Variants in PLAGL1 observed in about 807,000 individuals in gnomAD.
PLAGL1 encodes zinc finger protein PLAGL1.
In PLAGL1, 1 loss-of-function variant was observed where a neutral mutation model predicts 4.6. That is an observed-to-expected ratio of 0.22 (90% CI 0.08 to 1.03). The LOEUF (loss-of-function observed/expected upper bound fraction) is 1.03, where lower values mean the gene tolerates loss of function less well. Ranked by LOEUF, PLAGL1 falls within the 50% of genes least tolerant of loss-of-function variation. The pLI is 0.58. For synonymous variants in PLAGL1, 240 were observed against 237.8 expected, an observed-to-expected ratio of 1.01 and a Z score of -0.08; for missense variants, 464 against 570.4, an observed-to-expected ratio of 0.81 and a Z score of 1.90.
At chr6:143,987,779 G>C (rs1789549825) in intron 1 of PLAGL1, among the ~76,000 whole-genome samples, 2 of 151,882 alleles carry the variant, frequency 1.3e-5, no homozygotes, top group South Asian at 2.1e-4. Flanking sequence ...ACTGTGTCCT[G>C]GTCTTCTTAA....
chr6:144,024,957 C>T (rs2128701975), intron 1 of PLAGL1, among the ~76,000 whole-genome samples: 2 of 152,186 alleles, frequency 1.3e-5, no homozygotes, highest in African/African-American at 2.4e-5. Context: ...TTTATGTAGA[C>T]ACTCCACTCT....
At chr6:144,037,459 G>T (rs1230362786) in intron 1 of PLAGL1, among the ~76,000 whole-genome samples, 1 of 149,668 alleles carries the variant, frequency 6.7e-6, no homozygotes, top group Non-Finnish European at 1.5e-5. Flanking sequence ...GTGACAGTGT[G>T]CACCTGTAGT....
At position 143,973,096 on chromosome 6, in the gene PLAGL1, T is replaced by C. The variant is rs1295074267; in HGVS notation, c.-543-4118A>G. ...TCACAAGAAGGTCCATTCCACCCCA[T>C]GTGCTCCTTTTCAGCTGTCAATAAA... On this transcript the variant is annotated intron_variant, in intron 2 of 7. Transcript: ENST00000674357. The surrounding 1 kb of genome is among the most constrained non-coding windows in gnomAD (Gnocchi z 6.2). Among the ~76,000 whole-genome samples, 2 of 152,206 alleles carry C rather than the reference T, an allele frequency of 1.3e-5. No individual in the cohort carries two copies. Among genetic ancestry groups the C allele is most frequent in the African/African-American group, 4.8e-5 (2 of 41,452 alleles).
In PLAGL1 at chr6:144,035,403, C is replaced by T. The variant is rs116758946; in HGVS notation, c.-151+29065G>A. 1.6e-3 allele frequency among the ~76,000 whole-genome samples: 244 copies of T among 152,294 alleles called. 1 individual carries two copies. The highest frequency in any genetic ancestry group is 5.6e-3 in the African/African-American group (234 of 41,548). ...GTACTTGGAGTCTAATGTTCAAGGG[C>T]AGCAAGCATCTAGCACGGGAGAAAG... On this transcript the variant is annotated intron_variant, in intron 1 of 3. Coordinates refer to the PLAGL1 transcript ENST00000437412.
rs1158481996 is a variant in PLAGL1 at position 144,022,793 on chromosome 6, T to A, written c.-151+41675A>T. 6.6e-6 allele frequency among the ~76,000 whole-genome samples: 1 copy of A among 152,220 alleles called. No homozygotes were observed. Among genetic ancestry groups the A allele is most frequent in the Admixed American group, 6.5e-5 (1 of 15,282 alleles). On this transcript the variant is annotated intron_variant, in intron 1 of 3. Coordinates refer to the PLAGL1 transcript ENST00000437412. This position sits in a 1 kb window ranked among gnomAD's most constrained non-coding sequence, Gnocchi z 4.2. ...GTGAGTCAATTAAACCTCTTTCCTT[T>A]ATAAATTATGCAGTCTCAGGTATGT...
rs1385629410 is a variant in PLAGL1 at position 143,989,904 on chromosome 6, C to T, written c.-583-4730G>A. 1.3e-5 allele frequency among the ~76,000 whole-genome samples: 2 copies of T among 152,166 alleles called. No individual in the cohort carries two copies. The highest frequency in any genetic ancestry group is 4.8e-5 in the African/African-American group (2 of 41,446). On this transcript the variant is annotated intron_variant, in intron 1 of 7. Transcript: ENST00000674357. The surrounding 1 kb of genome is among the most constrained non-coding windows in gnomAD (Gnocchi z 4.8). ...TAACATCTCTCTGTTAACATCCCTA[C>T]TTAATGCTTCTGTGAGAAAACAAAA...
rs993639044 is a variant in PLAGL1 at position 143,982,035 on chromosome 6, C to A, written c.-544+3100G>T. On this transcript the variant is annotated intron_variant, in intron 2 of 7. Transcript: ENST00000674357. The surrounding 1 kb of genome is among the most constrained non-coding windows in gnomAD (Gnocchi z 5.3). ...TGGGGATTCACCACTGTGAACAAAA[C>A]ACGCAAAAATTCCTACCCTTGTGAA... 2.0e-5 allele frequency among the ~76,000 whole-genome samples: 3 copies of A among 152,232 alleles called. No individual in the cohort carries two copies. Among genetic ancestry groups the A allele is most frequent in the African/African-American group, 7.2e-5 (3 of 41,542 alleles).
At position 144,024,059 on chromosome 6, in the gene PLAGL1, C is replaced by T. The variant is rs565648522; in HGVS notation, c.-151+40409G>A. The stretch of plus-strand genomic sequence containing the variant: ...CCCAAAGTGCTGAGATTACAGGCCT[C>T]AGCCACTGCACCTGACCAGCTTTAG... On this transcript the variant is annotated intron_variant, in intron 1 of 3. Coordinates refer to the PLAGL1 transcript ENST00000437412. 9.3e-4 allele frequency among the ~76,000 whole-genome samples: 141 copies of T among 152,200 alleles called. 1 individual carries two copies. The highest frequency in any genetic ancestry group is 1.6e-3 in the Admixed American group (24 of 15,280).
At chr6:144,003,758 T>TA (rs1419235050) in intron 1 of PLAGL1, among the ~76,000 whole-genome samples, 1 of 152,172 alleles carries the variant, frequency 6.6e-6, no homozygotes, top group Non-Finnish European at 1.5e-5. Flanking sequence ...ACCTAATTTT[T>TA]AAAAAATGGG....
intron 1 of PLAGL1, among the ~76,000 whole-genome samples, chr6:144,044,481 T>C (rs1246800339): frequency 6.6e-6 from 1 of 152,102 alleles, no homozygotes; most frequent in East Asian, 1.9e-4. Flanking sequence ...CATGTAGTGG[T>C]GTGGTTTTGA....
rs1797523290 is a variant in PLAGL1 at position 144,039,185 on chromosome 6, G to A, written c.-151+25283C>T. On this transcript the variant is annotated intron_variant, in intron 1 of 3. Transcript: ENST00000437412. The surrounding 1 kb of genome is among the most constrained non-coding windows in gnomAD (Gnocchi z 4.1). ...GAAGAGACAATCCAAAAGAAAAATGGGCAAGGCATATAAACAGGTGTTTTA... is the reference window on the plus strand; with the variant it reads ...GAAGAGACAATCCAAAAGAAAAATGAGCAAGGCATATAAACAGGTGTTTTA... Among the ~76,000 whole-genome samples the A allele has an allele frequency of 7.2e-6, 1 of 138,690 alleles. No individual in the cohort carries two copies. The highest frequency in any genetic ancestry group is 1.7e-5 in the Non-Finnish European group (1 of 58,936). The allele number at this position is 138,690 out of a possible 152,430, so 91.0% of individuals were successfully genotyped here.
At chr6:144,010,328 AC>A (rs1795079483), upstream of PLAGL1, among the ~76,000 whole-genome samples, 3 of 152,222 alleles carry the variant, frequency 2.0e-5, no homozygotes, top group Non-Finnish European at 2.9e-5. This position sits in a 1 kb window ranked among gnomAD's most constrained non-coding sequence, Gnocchi z 4.1. Context: ...AAGAGAGCCA[AC>A]ACATGAGTGA....
At chr6:144,017,497 G>A (rs767009884) in intron 1 of PLAGL1, among the ~76,000 whole-genome samples, 3 of 152,190 alleles carry the variant, frequency 2.0e-5, no homozygotes, top group Non-Finnish European at 4.4e-5. Flanking sequence ...CTCACAAGGT[G>A]AAGTCTGGCA....
In PLAGL1 at chr6:143,954,942, T is replaced by C. The variant is rs927103491; in HGVS notation, c.-325+5527A>G. Among the ~76,000 whole-genome samples the C allele has an allele frequency of 1.3e-5, 2 of 152,216 alleles. No homozygotes were observed. The highest frequency in any genetic ancestry group is 4.8e-5 in the African/African-American group (2 of 41,464). Reference sequence around the variant, plus strand: ...AAATATAGTTTAAATACCATCATATTAGCCAGAAAATAAAGACAGGTAACT... The same window carrying C: ...AAATATAGTTTAAATACCATCATATCAGCCAGAAAATAAAGACAGGTAACT... On this transcript the variant is annotated intron_variant, in intron 6 of 7. Coordinates refer to ENST00000674357, the MANE Select transcript of PLAGL1 (RefSeq NM_001317162.2). This position sits in a 1 kb window ranked among gnomAD's most constrained non-coding sequence, Gnocchi z 5.1.
intron 1 of PLAGL1, among the ~76,000 whole-genome samples, chr6:144,030,504 C>A (rs929798963): frequency 5.9e-5 from 9 of 152,106 alleles, no homozygotes; most frequent in East Asian, 5.8e-4. Flanking sequence ...ACCTCCCAAC[C>A]TTTTCCCCCA....
chr6:144,061,017 C>T lies in PLAGL1; in HGVS notation c.-151+3451G>A, dbSNP rs770008941. 6.6e-6 allele frequency among the ~76,000 whole-genome samples: 1 copy of T among 152,174 alleles called. No individual in the cohort carries two copies. Among genetic ancestry groups the T allele is most frequent in the Non-Finnish European group, 1.5e-5 (1 of 68,032 alleles). ...GCTTTTCCACCATTTCTCTCCCCTG[C>T]CCCCAAAAGGAGACCTCCACTTATA... On this transcript the variant is annotated intron_variant, in intron 1 of 3. Transcript: ENST00000437412. The surrounding 1 kb of genome is among the most constrained non-coding windows in gnomAD (Gnocchi z 4.4).
Position 143,984,239 on chromosome 6 carries a change from T to C in PLAGL1, c.-544+896A>G, listed in dbSNP as rs932611256. ...AATGTACAATTAATTCTGTCATTTA[T>C]ATCAGTTTCCTAAATTCTAAAGCAA... On this transcript the variant is annotated intron_variant, in intron 2 of 7. Coordinates refer to ENST00000674357, the MANE Select transcript of PLAGL1 (RefSeq NM_001317162.2). The surrounding 1 kb of genome is among the most constrained non-coding windows in gnomAD (Gnocchi z 5.5). Among the ~76,000 whole-genome samples, 4 of 152,220 alleles carry C rather than the reference T, an allele frequency of 2.6e-5. No individual in the cohort carries two copies. The highest frequency in any genetic ancestry group is 4.4e-5 in the Non-Finnish European group (3 of 68,042).
chr6:144,033,850 A>C (rs759446266), intron 1 of PLAGL1, among the ~76,000 whole-genome samples: 5 of 152,250 alleles, frequency 3.3e-5, no homozygotes, highest in African/African-American at 4.8e-5. Flanking sequence ...GATATGACCC[A>C]TAACTAGAGA....
rs1780000638 is a variant in PLAGL1, at chr6:143,947,329, G to A, written c.152+656C>T. Among the ~76,000 whole-genome samples, 1 of 152,170 alleles carries A rather than the reference G, an allele frequency of 6.6e-6. No individual in the cohort carries two copies. Among genetic ancestry groups the A allele is most frequent in the Admixed American group, 6.5e-5 (1 of 15,280 alleles). ...TTTCATCCCTGGACTCTGAGAGCAG[G>A]TTTCAAATCAGCCTTCCTGCCACTT... On this transcript the variant is annotated intron_variant, in intron 7 of 7. Coordinates refer to ENST00000674357, the MANE Select transcript of PLAGL1 (RefSeq NM_001317162.2). The surrounding 1 kb of genome is among the most constrained non-coding windows in gnomAD (Gnocchi z 4.3).
Sources: allele counts gnomAD v4.1 joint callset (sites outside exome capture counted in the v4.1 genomes callset), GRCh38; gene constraint gnomAD v4.1.1; non-coding constraint Gnocchi (gnomAD v3.1); transcripts MANE v1.5; gene names NCBI Gene and HGNC (gene_info 2026-07-23, HGNC 2026-07-21).